The following SLC14A2 variants were observed in gnomAD, a reference collection of about 807,000 sequenced individuals.
The protein encoded by SLC14A2 is urea transporter 2.
In SLC14A2, 91 loss-of-function variants were observed where a neutral mutation model predicts 104.6. That is an observed-to-expected ratio of 0.87 (90% confidence interval 0.73 to 1.04). The LOEUF is 1.04. SLC14A2 is among the 50% of genes least tolerant of loss of function. SLC14A2 has a pLI of 0.00. For synonymous variants in SLC14A2, 476 were observed against 466.4 expected (o/e 1.02, Z -0.27); for missense variants, 1,189 against 1,156.0 (o/e 1.03, Z -0.41).
intron 1 of SLC14A2, among the ~76,000 whole-genome samples, chr18:45,409,781 A>G (rs767180159): frequency 2.6e-5 from 4 of 152,150 alleles, no homozygotes; most frequent in Non-Finnish European, 4.4e-5. Flanking sequence ...ACAGTCCACA[A>G]CCTTTTAGGC....
chr18:45,326,440 A>C (rs931079606), intron 1 of SLC14A2, among the ~76,000 whole-genome samples: 3 of 152,192 alleles, frequency 2.0e-5, no homozygotes, highest in African/African-American at 7.2e-5. Flanking sequence ...TGTATAGGAA[A>C]GCTACTGATG....
chr18:45,422,668 G>A (rs1216246873), intron 1 of SLC14A2, among the ~76,000 whole-genome samples: 1 of 152,166 alleles, frequency 6.6e-6, no homozygotes, highest in East Asian at 1.9e-4. Context: ...AGAGACAGAA[G>A]GCCAATGTCA....
At chr18:45,582,035 C>T (rs944160130) in intron 2 of SLC14A2, among the ~76,000 whole-genome samples, 3 of 152,190 alleles carry the variant, frequency 2.0e-5, no homozygotes, top group African/African-American at 7.2e-5. Context: ...GAACATGGTG[C>T]CAGCATCTGG....
chr18:45,534,302 A>G (rs1395421302), intron 2 of SLC14A2, among the ~76,000 whole-genome samples: 1 of 152,190 alleles, frequency 6.6e-6, no homozygotes, highest in Non-Finnish European at 1.5e-5. Context: ...AGTCTTAGAA[A>G]CAGGGAGCTA....
intron 1 of SLC14A2, among the ~76,000 whole-genome samples, chr18:45,419,604 C>A (rs781082004): frequency 3.9e-5 from 6 of 152,022 alleles, no homozygotes; most frequent in African/African-American, 1.4e-4. Context: ...TGAAACCCCA[C>A]CTGTACTAAA....
intron 1 of SLC14A2, among the ~76,000 whole-genome samples, chr18:45,229,895 G>T (rs2084157944): frequency 6.6e-6 from 1 of 151,958 alleles, no homozygotes; most frequent in Non-Finnish European, 1.5e-5. Context: ...AGACTGCTTG[G>T]ATTCAAATCC....
At chr18:45,658,998 C>T (rs1025922386) in intron 10 of SLC14A2, among the ~76,000 whole-genome samples, 34 of 152,142 alleles carry the variant, frequency 2.2e-4, no homozygotes, top group African/African-American at 7.7e-4. Context: ...GGACCGTGCC[C>T]CTGAAATGGT....
At chr18:45,395,304 C>T (rs563133840) in intron 1 of SLC14A2, among the ~76,000 whole-genome samples, 1 of 152,216 alleles carries the variant, frequency 6.6e-6, no homozygotes, top group East Asian at 1.9e-4. Context: ...TATGTGATTC[C>T]ATTTATATGA....
chr18:45,288,479 C>A (rs1483751354), intron 1 of SLC14A2, among the ~76,000 whole-genome samples: 1 of 152,170 alleles, frequency 6.6e-6, no homozygotes, highest in Non-Finnish European at 1.5e-5. Flanking sequence ...AAGGCCCTTC[C>A]CCTACAGGTA....
chr18:45,489,131 TC>T (rs748168886), intron 2 of SLC14A2, among the ~76,000 whole-genome samples: 27 of 152,222 alleles, frequency 1.8e-4, no homozygotes, highest in Non-Finnish European at 3.7e-4. Context: ...TTTCTGTAAG[TC>T]CTTTCTGCAT....
At chr18:45,293,853 C>T (rs968376536) in intron 1 of SLC14A2, among the ~76,000 whole-genome samples, 1 of 152,166 alleles carries the variant, frequency 6.6e-6, no homozygotes, top group Non-Finnish European at 1.5e-5. Flanking sequence ...TGTATGGGGC[C>T]AAAGTATGCC....
intron 2 of SLC14A2, among the ~76,000 whole-genome samples, chr18:45,527,077 C>G (rs2043602733): frequency 6.6e-6 from 1 of 152,208 alleles, no homozygotes; most frequent in Non-Finnish European, 1.5e-5. Context: ...AGGGGCATGA[C>G]TTGCCCAAAA....
chr18:45,589,444 T>C (rs2044616413), intron 2 of SLC14A2, among the ~76,000 whole-genome samples: 1 of 152,206 alleles, frequency 6.6e-6, no homozygotes, highest in Non-Finnish European at 1.5e-5. Flanking sequence ...ACTGTGATTT[T>C]GTTTATAGGA....
At chr18:45,178,053 G>A in the SLC14A2 span, among the ~76,000 whole-genome samples, 379 of 152,292 alleles carry the variant, frequency 2.5e-3, 1 homozygote, top group Non-Finnish European at 4.6e-3. Flanking sequence ...TACCCAGGAA[G>A]GTAGAGAGAA....
At chr18:45,589,717 C>T (rs974497471) in intron 2 of SLC14A2, among the ~76,000 whole-genome samples, 3 of 152,210 alleles carry the variant, frequency 2.0e-5, no homozygotes, top group Non-Finnish European at 2.9e-5. Flanking sequence ...TCATGAAAAC[C>T]CTATTAAATT....
Position 45,673,768 on chromosome 18 carries a change from C to CA in SLC14A2, c.2464dup (p.Met822AsnfsTer29). On this transcript the variant is annotated frameshift_variant, in exon 18 of 20. Coordinates refer to ENST00000255226, the MANE Select transcript of SLC14A2 (RefSeq NM_007163.4). LOFTEE classifies it high-confidence loss of function. ...CCCTCGCATGCATAGCGATAGGAGG[C>CA]ATGTTCTACGTCATCACCTGGCAGA... is the stretch of plus-strand genomic sequence containing the variant. 6.8e-6 allele frequency: 11 copies of CA among 1,614,196 alleles called. No individual in the cohort carries two copies. Among genetic ancestry groups the CA allele is most frequent in the Non-Finnish European group, 9.3e-6 (11 of 1,180,014 alleles).
At chr18:45,236,814 T>G (rs188798244) in intron 1 of SLC14A2, among the ~76,000 whole-genome samples, 3 of 152,246 alleles carry the variant, frequency 2.0e-5, no homozygotes, top group Admixed American at 1.3e-4. Flanking sequence ...GGCAGCTTTA[T>G]TTTTAGTTTT....
intron 1 of SLC14A2, among the ~76,000 whole-genome samples, chr18:45,350,819 A>G (rs893542261): frequency 3.3e-5 from 5 of 152,170 alleles, no homozygotes; most frequent in African/African-American, 1.2e-4. Context: ...TAGAAGCACC[A>G]TAATAAAGAA....
the SLC14A2 span, among the ~76,000 whole-genome samples, chr18:45,191,844 T>A: frequency 6.6e-6 from 1 of 152,130 alleles, no homozygotes; most frequent in Non-Finnish European, 1.5e-5. Context: ...CATGAGTAGA[T>A]CTGGAAACCA....
Sources: gnomAD v4.1 joint callset for allele counts (sites outside exome capture counted in the v4.1 genomes callset) on GRCh38, gnomAD v4.1.1 for gene constraint, MANE v1.5 for transcripts, NCBI Gene and HGNC (gene_info 2026-07-23, HGNC 2026-07-21) for gene names.